The following DKK2 variants were observed in gnomAD, a reference collection of about 807,000 sequenced individuals.
The protein encoded by DKK2 is dickkopf-related protein 2.
In DKK2, 11 loss-of-function variants were observed where a neutral mutation model predicts 28.1. The observed-to-expected ratio is 0.39, with a 90% CI of 0.25 to 0.65. The LOEUF is 0.65. DKK2 is among the 30% of genes least tolerant of loss of function. The pLI is 0.47. For missense variants in DKK2, 326 were observed against 335.5 expected, an observed-to-expected ratio of 0.97 and a Z score of 0.22; for synonymous variants, 135 against 126.5, an observed-to-expected ratio of 1.07 and a Z score of -0.45.
intron 1 of DKK2, among the ~76,000 whole-genome samples, chr4:106,992,278 T>C (rs528751601): frequency 6.6e-6 from 1 of 152,286 alleles, no homozygotes; most frequent in East Asian, 1.9e-4. Flanking sequence ...TGTGATTAAG[T>C]ACCAAATTTT....
intron 1 of DKK2, among the ~76,000 whole-genome samples, chr4:106,984,662 G>A (rs1723090304): frequency 6.6e-6 from 1 of 152,114 alleles, no homozygotes; most frequent in African/African-American, 2.4e-5. Flanking sequence ...GGGACACTTT[G>A]GTTGTTTCCA....
intron 1 of DKK2, among the ~76,000 whole-genome samples, chr4:107,001,700 C>T (rs1198297721): frequency 1.3e-5 from 2 of 152,064 alleles, no homozygotes; most frequent in South Asian, 4.2e-4. Flanking sequence ...CCATGGATTA[C>T]CATGTTTCAT....
At chr4:107,034,451 C>T (rs1447871951) in intron 1 of DKK2, among the ~76,000 whole-genome samples, 1 of 152,156 alleles carries the variant, frequency 6.6e-6, no homozygotes, top group Non-Finnish European at 1.5e-5. Context: ...GCGCGCCAGC[C>T]ACAACTGGTA....
At position 107,020,852 on chromosome 4, in the gene DKK2, T is replaced by C. The variant is rs371667916; in HGVS notation, c.222+14518A>G. 5.9e-5 allele frequency among the ~76,000 whole-genome samples: 9 copies of C among 152,156 alleles called. 1 individual carries two copies. The highest frequency in any genetic ancestry group is 5.9e-4 in the Admixed American group (9 of 15,256). ...CACCAGACTGGACTCTGGAGAATTG[T>C]ACTGAGTATGATTTGTTCCTGCCTC... On this transcript the variant is annotated intron_variant, in intron 1 of 3. Coordinates refer to ENST00000285311, the MANE Select transcript of DKK2 (RefSeq NM_014421.3).
intron 1 of DKK2, among the ~76,000 whole-genome samples, chr4:107,006,818 A>G (rs2110367310): frequency 6.6e-6 from 1 of 152,338 alleles, no homozygotes; most frequent in African/African-American, 2.4e-5. Context: ...TGGCTAAAAT[A>G]TTGTTCTCAA....
Position 106,925,907 on chromosome 4 carries a change from A to G in DKK2, c.265T>C (p.Tyr89His), listed in dbSNP as rs1156935839. The G allele has an allele frequency of 6.8e-6, 11 of 1,613,260 alleles. No homozygotes were observed. The highest frequency in any genetic ancestry group is 1.3e-5 in the African/African-American group (1 of 74,712). ...SSDKECEVGR[Y>H]CHSPHQGSSA... ...GATCCTTGGTGGGGACTGTGGCAAT[A>G]CCTCCCAACTTCACACTCCTTATCA... Residue 89 changes from tyrosine to histidine, a missense_variant, in exon 2 of 4, where the codon TAT (tyrosine) becomes CAT (histidine). Tyr to His is a moderately conservative substitution (Grantham distance 83). Coordinates refer to ENST00000285311, the MANE Select transcript of DKK2 (RefSeq NM_014421.3).
At chr4:107,013,702 A>T (rs1188001228) in intron 1 of DKK2, among the ~76,000 whole-genome samples, 3 of 151,596 alleles carry the variant, frequency 2.0e-5, no homozygotes, top group Non-Finnish European at 4.4e-5. Context: ...GATTGCATCA[A>T]ACTAAAAAGC....
At chr4:106,968,094 A>T (rs142560367) in intron 1 of DKK2, among the ~76,000 whole-genome samples, 1 of 149,618 alleles carries the variant, frequency 6.7e-6, no homozygotes, top group Non-Finnish European at 1.5e-5. Context: ...GAAAAGGAGG[A>T]AGGGAGAAAG....
At chr4:106,940,155 C>T (rs1440510595) in intron 1 of DKK2, among the ~76,000 whole-genome samples, 1 of 152,136 alleles carries the variant, frequency 6.6e-6, no homozygotes, top group Non-Finnish European at 1.5e-5. Flanking sequence ...AAGAAACTAC[C>T]ATCAGAGTGA....
chr4:106,968,816 A>G (rs1337785908), intron 1 of DKK2, among the ~76,000 whole-genome samples: 1 of 152,100 alleles, frequency 6.6e-6, no homozygotes, highest in Non-Finnish European at 1.5e-5. Context: ...GGCTCTCCTC[A>G]TAGTTCCTTC....
chr4:106,941,014 C>T lies in DKK2; in HGVS notation c.223-15065G>A, dbSNP rs1473709375. ...GGGAGATACACCTAATGCTAGATGA[C>T]GAGTTAGTGGGGGCAGCGCACCAGC... is the stretch of plus-strand genomic sequence containing the variant. On this transcript the variant is annotated intron_variant, in intron 1 of 3. Transcript: ENST00000285311. 5.3e-5 allele frequency among the ~76,000 whole-genome samples: 8 copies of T among 151,570 alleles called. No individual in the cohort carries two copies. The East Asian group carries it at 9.7e-4, about 18-fold the overall frequency.
chr4:106,986,434 TAC>T (rs1320420562), intron 1 of DKK2, among the ~76,000 whole-genome samples: 1 of 152,216 alleles, frequency 6.6e-6, no homozygotes, highest in African/African-American at 2.4e-5. Context: ...TAAAAAGATA[TAC>T]AGAGTTCCTC....
intron 1 of DKK2, among the ~76,000 whole-genome samples, chr4:107,034,236 A>T (rs1185419337): frequency 6.6e-6 from 1 of 151,868 alleles, no homozygotes; most frequent in Non-Finnish European, 1.5e-5. Flanking sequence ...GGACACCGAG[A>T]GCGCGCAAAA....
chr4:106,924,457 T>C, intron 3 of DKK2, 88 bp downstream of exon 3: 2 of 1,479,512 alleles, frequency 1.4e-6, no homozygotes, highest in African/African-American at 1.4e-5. Flanking sequence ...TTCCTTGTAA[T>C]TTTTTCTAAA....
rs149535302 is a variant in DKK2 at position 107,035,883 on chromosome 4, G to C, written c.-292C>G. The C allele has an allele frequency of 4.0e-4, 186 of 460,912 alleles. No homozygotes were observed. Among genetic ancestry groups the C allele is most frequent in the African/African-American group, 3.3e-3 (169 of 50,920 alleles). 28.6% of individuals were successfully genotyped at this position (460,912 alleles called of 1,614,324 possible). A position where few individuals can be genotyped will look rare whatever the true frequency, so the allele number is the denominator to read the frequency against. On this transcript the variant is annotated 5_prime_UTR_variant, in exon 1 of 4. Coordinates refer to ENST00000285311, the MANE Select transcript of DKK2 (RefSeq NM_014421.3). Reference sequence around the variant, plus strand: ...TTCTCGCCAAGGAGGCGTGACCCAAGGTGCAAGAAAACCCAGCCCTGTGGA... The same window carrying C: ...TTCTCGCCAAGGAGGCGTGACCCAACGTGCAAGAAAACCCAGCCCTGTGGA...
intron 1 of DKK2, among the ~76,000 whole-genome samples, chr4:106,968,632 GAC>G (rs1343700123): frequency 1.3e-5 from 2 of 151,958 alleles, no homozygotes; most frequent in African/African-American, 4.8e-5. Flanking sequence ...AAGTTTCTGT[GAC>G]ACAGTGCGCC....
intron 1 of DKK2, among the ~76,000 whole-genome samples, chr4:106,980,128 A>C (rs572926442): frequency 1.8e-4 from 28 of 152,318 alleles, no homozygotes; most frequent in African/African-American, 6.0e-4. Flanking sequence ...ATTGCTATAT[A>C]GCTAGACATG....
At chr4:106,944,836 A>G (rs548082545) in intron 1 of DKK2, among the ~76,000 whole-genome samples, 8 of 152,202 alleles carry the variant, frequency 5.3e-5, no homozygotes, top group African/African-American at 1.9e-4. Flanking sequence ...GTTCTATAAG[A>G]GGAAAGACAC....
At chr4:106,925,146 C>T (rs1724407202) in intron 2 of DKK2, among the ~76,000 whole-genome samples, 1 of 152,150 alleles carries the variant, frequency 6.6e-6, no homozygotes, top group Non-Finnish European at 1.5e-5. Flanking sequence ...GTGCAAGAGA[C>T]TCACAGTAGG....
Sources: allele counts gnomAD v4.1 joint callset (sites outside exome capture counted in the v4.1 genomes callset), GRCh38; gene constraint gnomAD v4.1.1; transcripts MANE v1.5; gene names NCBI Gene and HGNC (gene_info 2026-07-23, HGNC 2026-07-21).